ZFPM2: variants seen among roughly 807,000 people sequenced by gnomAD.
ZFPM2 encodes the protein zinc finger protein ZFPM2.
Under a neutral mutation model 98.6 loss-of-function variants are expected in ZFPM2, and 20 were observed. The ratio of observed to expected loss-of-function variants is 0.20; its 90% confidence interval spans 0.14 to 0.29. The LOEUF (loss-of-function observed/expected upper bound fraction) is 0.29. Ranked by LOEUF, ZFPM2 falls within the 10% of genes least tolerant of loss-of-function variation. The pLI is 1.00. For missense variants in ZFPM2, 1,310 were observed against 1,388.6 expected, an observed-to-expected ratio of 0.94 and a Z score of 0.90; for synonymous variants, 518 against 502.7, an observed-to-expected ratio of 1.03 and a Z score of -0.41.
At chr8:105,669,435 A>G (rs1817547532) in intron 5 of ZFPM2, among the ~76,000 whole-genome samples, 2 of 150,988 alleles carry the variant, frequency 1.3e-5, no homozygotes, top group African/African-American at 4.9e-5. Flanking sequence ...ATATTTATAT[A>G]TATACACACG....
At position 105,802,676 on chromosome 8, in the gene ZFPM2, A is replaced by G; in HGVS notation, c.2594A>G (p.Lys865Arg). 6.2e-7 allele frequency: 1 copy of G among 1,611,182 alleles called. No homozygotes were observed. The highest frequency in any genetic ancestry group is 8.5e-7 in the Non-Finnish European group (1 of 1,178,636). ...ACTGTGTGCAAGATCAGTTTCAATA[A>G]GGTAGAAAACTATCTGGCCCACAAG... is the stretch of plus-strand genomic sequence containing the variant. ...ECTVCKISFN[K>R]VENYLAHKQN... The change falls in exon 8 of 8, where the codon AAG becomes AGG. Residue 865 changes from lysine to arginine, a missense_variant. Coordinates refer to ENST00000407775, the MANE Select transcript of ZFPM2 (RefSeq NM_012082.4).
At chr8:105,649,659 T>A (rs1244650923) in intron 5 of ZFPM2, among the ~76,000 whole-genome samples, 1 of 152,212 alleles carries the variant, frequency 6.6e-6, no homozygotes, top group African/African-American at 2.4e-5. Context: ...TTGTCTTTGC[T>A]TCTGTTTATA....
At chr8:105,448,269 C>T (rs1295223534) in intron 3 of ZFPM2, among the ~76,000 whole-genome samples, 1 of 152,004 alleles carries the variant, frequency 6.6e-6, no homozygotes, top group Non-Finnish European at 1.5e-5. Context: ...TTGCTCTTCA[C>T]TATTCTGGTT....
At chr8:105,576,374 A>G (rs996232165) in intron 4 of ZFPM2, among the ~76,000 whole-genome samples, 5 of 152,178 alleles carry the variant, frequency 3.3e-5, no homozygotes, top group Non-Finnish European at 7.3e-5. Flanking sequence ...TGAGTGAATG[A>G]TAGGGAAATA....
rs1315613879 is a variant in ZFPM2, at chr8:105,341,533, G to A, written c.40+22552G>A. ...AATACAGTATGTATGTTACTGTAATGTTAACAATATAACATTATTGTTGAT... is the reference window on the plus strand; with the variant it reads ...AATACAGTATGTATGTTACTGTAATATTAACAATATAACATTATTGTTGAT... On this transcript the variant is annotated intron_variant, in intron 1 of 7. Coordinates refer to ENST00000407775, the MANE Select transcript of ZFPM2 (RefSeq NM_012082.4). Among the ~76,000 whole-genome samples, 4 of 151,782 alleles carry A rather than the reference G, an allele frequency of 2.6e-5. No homozygotes were observed. In the East Asian group the frequency reaches 7.7e-4, roughly 29 times the overall value.
Position 105,802,012 on chromosome 8 carries a change from A to G in ZFPM2, c.1930A>G (p.Lys644Glu), listed in dbSNP as rs1459898183. Reference sequence around the variant, plus strand: ...TGGGCCAAATGGGAAGGGCCATGACAAGGACTTTTCCACTCAAACTAAGAA... The same window carrying G: ...TGGGCCAAATGGGAAGGGCCATGACGAGGACTTTTCCACTCAAACTAAGAA... Reference protein sequence around the residue: ...LIGPNGKGHDKDFSTQTKKLS... With the variant: ...LIGPNGKGHDEDFSTQTKKLS... Residue 644 changes from lysine (K) to glutamate (E), a missense_variant, in exon 8 of 8, where the codon AAG becomes GAG. Coordinates refer to ENST00000407775, the MANE Select transcript of ZFPM2 (RefSeq NM_012082.4). 5.6e-6 allele frequency: 9 copies of G among 1,613,848 alleles called. No individual in the cohort carries two copies. The highest frequency in any genetic ancestry group is 1.3e-5 in the African/African-American group (1 of 75,058).
At chr8:105,478,777 T>C (rs1335726893) in intron 3 of ZFPM2, among the ~76,000 whole-genome samples, 1 of 152,200 alleles carries the variant, frequency 6.6e-6, no homozygotes, top group African/African-American at 2.4e-5. Context: ...GACCACCAGC[T>C]TGGGCGTGAG....
At chr8:105,567,202 C>A (rs1389061624) in intron 4 of ZFPM2, among the ~76,000 whole-genome samples, 1 of 152,138 alleles carries the variant, frequency 6.6e-6, no homozygotes, top group African/African-American at 2.4e-5. Context: ...GCAAATATAT[C>A]TCTACCTATG....
chr8:105,444,540 G>A (rs1222078576), intron 3 of ZFPM2, among the ~76,000 whole-genome samples, 159 bp downstream of exon 3: 3 of 152,012 alleles, frequency 2.0e-5, no homozygotes, highest in Admixed American at 6.6e-5. Flanking sequence ...ATACTTCTTA[G>A]ATTTTTGTTA....
intron 5 of ZFPM2, among the ~76,000 whole-genome samples, chr8:105,707,554 G>T (rs1265993338): frequency 2.0e-5 from 3 of 152,082 alleles, no homozygotes; most frequent in Non-Finnish European, 2.9e-5. Context: ...TGTTGGTCAG[G>T]GTAGGTAAGA....
chr8:105,322,439 A>T (rs187275588), intron 1 of ZFPM2, among the ~76,000 whole-genome samples: 141 of 139,634 alleles, frequency 1.0e-3, no homozygotes, highest in Middle Eastern at 3.7e-3. Flanking sequence ...GTGCAGGAAG[A>T]GGTGGACATC....
intron 4 of ZFPM2, among the ~76,000 whole-genome samples, chr8:105,612,077 A>G (rs894597025): frequency 6.6e-6 from 1 of 152,054 alleles, no homozygotes; most frequent in African/African-American, 2.4e-5. Context: ...TTATAATCCA[A>G]CCTTGAGACT....
Position 105,441,474 on chromosome 8 carries a change from G to GAAAC in ZFPM2, c.200-2803_200-2802insCAAA, listed in dbSNP as rs369978729. Among the ~76,000 whole-genome samples, 6 of 91,232 alleles carry GAAAC rather than the reference G, an allele frequency of 6.6e-5. 2 individuals are homozygous for GAAAC. The highest frequency in any genetic ancestry group is 2.7e-4 in the African/African-American group (4 of 15,078). The allele number at this position is 91,232 out of a possible 152,430, so 59.9% of individuals were successfully genotyped here. ...AGAGAGAAAGAAAGAAAGAAAGAAA[G>GAAAC]AAAGAAAGAAAGAAAGAAAGAAAGA... On this transcript the variant is annotated intron_variant, in intron 2 of 7. Transcript: ENST00000407775.
At chr8:105,581,020 A>G (rs1321927786) in intron 4 of ZFPM2, among the ~76,000 whole-genome samples, 1 of 152,004 alleles carries the variant, frequency 6.6e-6, no homozygotes, top group African/African-American at 2.4e-5. Flanking sequence ...TCTGTGTTTT[A>G]TTAATTATTT....
At chr8:105,393,337 CCTTTCTT>C (rs1811150617) in intron 1 of ZFPM2, among the ~76,000 whole-genome samples, 1 of 114,776 alleles carries the variant, frequency 8.7e-6, no homozygotes, top group African/African-American at 3.2e-5. Flanking sequence ...TCTCTCTTTG[CCTTTCTT>C]TCTTTCTTTC....
At chr8:105,561,587 A>T in intron 4 of ZFPM2, 106 bp downstream of exon 4, 1 of 963,816 alleles carries the variant, frequency 1.0e-6, no homozygotes, top group Non-Finnish European at 1.5e-6. Context: ...CACTAAAAAT[A>T]ACCATTTGTT....
intron 1 of ZFPM2, among the ~76,000 whole-genome samples, chr8:105,382,209 G>C (rs1810902726): frequency 6.6e-6 from 1 of 151,842 alleles, no homozygotes; most frequent in South Asian, 2.1e-4. Context: ...ATTTCTATCT[G>C]GTCAATAGTA....
rs542215138 is a variant in ZFPM2, at chr8:105,478,197, C to T, written c.301+33816C>T. Reference sequence around the variant, plus strand: ...GAGTTCAAGTGGCAGCATCCAGCCCCGATACTTTCTGAATGTGTGGTTTGG... The same window carrying T: ...GAGTTCAAGTGGCAGCATCCAGCCCTGATACTTTCTGAATGTGTGGTTTGG... On this transcript the variant is annotated intron_variant, in intron 3 of 7. Coordinates refer to ENST00000407775, the MANE Select transcript of ZFPM2 (RefSeq NM_012082.4). Among the ~76,000 whole-genome samples the T allele has an allele frequency of 3.9e-5, 6 of 152,240 alleles. No homozygotes were observed. In the South Asian group the frequency reaches 8.3e-4, roughly 21 times the overall value.
chr8:105,366,582 A>C (rs1486576086), intron 1 of ZFPM2, among the ~76,000 whole-genome samples: 14 of 151,770 alleles, frequency 9.2e-5, no homozygotes, highest in Non-Finnish European at 1.8e-4. Flanking sequence ...GGTTAGTTAC[A>C]TATGTATACA....
Sources: allele counts gnomAD v4.1 joint callset (sites outside exome capture counted in the v4.1 genomes callset), GRCh38; gene constraint gnomAD v4.1.1; transcripts MANE v1.5; gene names NCBI Gene and HGNC (gene_info 2026-07-23, HGNC 2026-07-21).